OSBPL9: variants seen among roughly 807,000 people sequenced by gnomAD.
OSBPL9 encodes the protein oxysterol binding protein like 9, also known as oxysterol-binding protein-related protein 9.
Under a neutral mutation model 106.6 loss-of-function variants are expected in OSBPL9, and 40 were observed. That is an observed-to-expected ratio of 0.38 (90% confidence interval 0.29 to 0.49). OSBPL9 has a LOEUF of 0.49. Ranked by LOEUF, OSBPL9 falls within the 20% of genes least tolerant of loss-of-function variation. The probability of loss-of-function intolerance (pLI) is 0.97; values close to 1 mark genes in which losing one functional copy is unlikely to be tolerated. For missense variants in OSBPL9, 609 were observed against 887.2 expected (o/e 0.69, Z 3.98); for synonymous variants, 269 against 295.4 (o/e 0.91, Z 0.92).
chr1:51,625,955 C>T (rs373946709), intron 1 of OSBPL9, among the ~76,000 whole-genome samples: 6 of 152,160 alleles, frequency 3.9e-5, no homozygotes, highest in African/African-American at 1.4e-4. Context: ...ATTCACATGA[C>T]AATGTTAAAA....
chr1:51,731,456 GCAAAACAAAA>G (rs559132958), intron 4 of OSBPL9, among the ~76,000 whole-genome samples: 52 of 151,858 alleles, frequency 3.4e-4, no homozygotes, highest in Middle Eastern at 3.4e-3. Flanking sequence ...CTGTCTCAAA[GCAAAACAAAA>G]CAAAACAAAA....
chr1:51,696,875 G>C (rs1164373032), intron 3 of OSBPL9, among the ~76,000 whole-genome samples: 1 of 151,316 alleles, frequency 6.6e-6, no homozygotes, highest in Non-Finnish European at 1.5e-5. Context: ...GAAGATAGTT[G>C]GGATATAGGC....
chr1:51,699,313 TC>T (rs1012835159), intron 3 of OSBPL9, among the ~76,000 whole-genome samples: 11 of 152,050 alleles, frequency 7.2e-5, no homozygotes, highest in African/African-American at 2.7e-4. Flanking sequence ...TGGAATGTCT[TC>T]CCTGTCAGTG....
At chr1:51,744,002 G>A (rs1047014816) in intron 4 of OSBPL9, among the ~76,000 whole-genome samples, 7 of 151,492 alleles carry the variant, frequency 4.6e-5, no homozygotes, top group Admixed American at 2.0e-4. Flanking sequence ...TTTTGTACAT[G>A]TCATCTCATT....
intron 1 of OSBPL9, among the ~76,000 whole-genome samples, chr1:51,632,161 A>G (rs1645147832): frequency 1.3e-5 from 2 of 152,230 alleles, no homozygotes; most frequent in Non-Finnish European, 2.9e-5. Flanking sequence ...AATAAAATAC[A>G]GTATAGTAAA....
At chr1:51,590,032 C>CAAAAAAAAAAAAAAAAAAAAAAAAAAAAA (rs941103745) in intron 1 of OSBPL9, among the ~76,000 whole-genome samples, 1 of 50,288 alleles carries the variant, frequency 2.0e-5, no homozygotes, top group African/African-American at 7.0e-5. Context: ...GACTCCGTCT[C>CAAAAAAAAAAAAAAAAAAAAAAAAAAAAA]AAAAAAAAAA....
At chr1:51,682,385 A>G (rs1284996562) in intron 3 of OSBPL9, among the ~76,000 whole-genome samples, 3 of 152,188 alleles carry the variant, frequency 2.0e-5, no homozygotes, top group African/African-American at 7.2e-5. Context: ...CACTCCCCGC[A>G]TTCACTCATT....
At chr1:51,655,377 A>G (rs532010865) in intron 2 of OSBPL9, among the ~76,000 whole-genome samples, 1 of 152,206 alleles carries the variant, frequency 6.6e-6, no homozygotes, top group African/African-American at 2.4e-5. Flanking sequence ...GGCTGCACGT[A>G]TTCTTGGTCA....
At chr1:51,712,270 C>G (rs1330536711) in intron 3 of OSBPL9, among the ~76,000 whole-genome samples, 1 of 152,210 alleles carries the variant, frequency 6.6e-6, no homozygotes, top group South Asian at 2.1e-4. Flanking sequence ...GGCGTGGCGG[C>G]GCGCGCCTGC....
upstream of OSBPL9, among the ~76,000 whole-genome samples, chr1:51,615,186 A>G (rs1305047146): frequency 6.6e-6 from 1 of 152,216 alleles, no homozygotes; most frequent in African/African-American, 2.4e-5. Flanking sequence ...TGGGAGGTGG[A>G]GGTTGCAGTG....
At position 51,772,607 on chromosome 1, in the gene OSBPL9, C is replaced by A; in HGVS notation, c.1054C>A (p.Leu352Met). 6.2e-7 allele frequency: 1 copy of A among 1,611,690 alleles called. No homozygotes were observed. Among genetic ancestry groups the A allele is most frequent in the Admixed American group, 1.7e-5 (1 of 60,006 alleles). Residue 352 changes from leucine (L) to methionine (M), a missense_variant and splice_region_variant, in exon 14 of 24, where the codon CTG becomes ATG. Leu to Met is a conservative substitution (Grantham distance 15). Coordinates refer to ENST00000428468, the MANE Select transcript of OSBPL9 (RefSeq NM_024586.6). ...TAATAAGATCTGCTTTATTTTAGAC[C>A]TGTTTGATTCACATGATGACAGAGA... is the stretch of plus-strand genomic sequence containing the variant. ...SLSNGTSDAD[L>M]FDSHDDRDDD...
chr1:51,555,355 T>A, the OSBPL9 span, among the ~76,000 whole-genome samples: 1 of 151,614 alleles, frequency 6.6e-6, no homozygotes, highest in Non-Finnish European at 1.5e-5. Context: ...CTGGGCATGG[T>A]GGCACGTGCC....
At chr1:51,550,788 A>G in the OSBPL9 span, among the ~76,000 whole-genome samples, 1 of 152,230 alleles carries the variant, frequency 6.6e-6, no homozygotes, top group African/African-American at 2.4e-5. Context: ...TGCTGGGATT[A>G]CAGGCAAGAG....
At chr1:51,735,669 G>T (rs112631393) in intron 4 of OSBPL9, among the ~76,000 whole-genome samples, 9 of 152,286 alleles carry the variant, frequency 5.9e-5, no homozygotes, top group African/African-American at 2.2e-4. Context: ...CAAAGGATCC[G>T]GCACAGGGCC....
chr1:51,777,142 G>A (rs561897080), intron 15 of OSBPL9, among the ~76,000 whole-genome samples: 37 of 152,286 alleles, frequency 2.4e-4, no homozygotes, highest in African/African-American at 7.7e-4. Flanking sequence ...TCAAGAGCCC[G>A]TTAATAGGTA....
chr1:51,666,643 A>T (rs1220529202), intron 2 of OSBPL9, among the ~76,000 whole-genome samples: 1 of 152,162 alleles, frequency 6.6e-6, no homozygotes, highest in African/African-American at 2.4e-5. Context: ...GCTGCCAGCT[A>T]TTGCACTGAA....
upstream of OSBPL9, among the ~76,000 whole-genome samples, chr1:51,616,236 C>T (rs1378778276): frequency 1.3e-5 from 2 of 152,028 alleles, no homozygotes; most frequent in East Asian, 1.9e-4. Flanking sequence ...CTGCCTGCCT[C>T]GGCCACCCAA....
intron 4 of OSBPL9, among the ~76,000 whole-genome samples, chr1:51,718,696 T>A (rs1661517238): frequency 6.6e-6 from 1 of 152,220 alleles, no homozygotes; most frequent in Non-Finnish European, 1.5e-5. Context: ...TACGATTTAG[T>A]AGTCATCTTA....
chr1:51,628,958 C>G (rs12041481), intron 1 of OSBPL9, among the ~76,000 whole-genome samples: 37,851 of 151,896 alleles, frequency 0.25, 6,773 homozygotes, highest in African/African-American at 0.5. Flanking sequence ...GATTACAGGC[C>G]TGAGCTACCA....
Sources: gnomAD v4.1 joint callset for allele counts (sites outside exome capture counted in the v4.1 genomes callset) on GRCh38, gnomAD v4.1.1 for gene constraint, MANE v1.5 for transcripts, NCBI Gene and HGNC (gene_info 2026-07-23, HGNC 2026-07-21) for gene names.